The following COL9A3 variants were observed in gnomAD, a reference collection of about 807,000 sequenced individuals.
COL9A3 encodes collagen type IX alpha 3 chain.
In COL9A3, 82 loss-of-function variants were observed where a neutral mutation model predicts 110.2. The ratio of observed to expected loss-of-function variants is 0.74; its 90% CI spans 0.62 to 0.89. The LOEUF (loss-of-function observed/expected upper bound fraction) is 0.89, where lower values mean the gene tolerates loss of function less well. COL9A3 is among the 40% of genes least tolerant of loss of function. COL9A3 has a pLI of 0.00. For missense variants in COL9A3, 1,066 were observed against 981.3 expected, an observed-to-expected ratio of 1.09 and a Z score of -1.15; for synonymous variants, 494 against 403.8, an observed-to-expected ratio of 1.22 and a Z score of -2.68.
At chr20:62,834,341 C>T (rs1026791290) in intron 26 of COL9A3, among the ~76,000 whole-genome samples, 1 of 152,216 alleles carries the variant, frequency 6.6e-6, no homozygotes, top group African/African-American at 2.4e-5. Context: ...GAAAACTCCA[C>T]TTCCACAGGC....
In COL9A3 at chr20:62,829,759, C is replaced by T. The variant is rs1486893861; in HGVS notation, c.1108-7C>T. The T allele has an allele frequency of 2.5e-6, 4 of 1,591,186 alleles. No homozygotes were observed. The African/African-American group carries it at 4.0e-5, about 16-fold the overall frequency. Reference sequence around the variant, plus strand: ...CTGCCCTGACACCCTCCTTCCTTTCCCTGTAGGGAGATGCTGGCATGCCTG... The same window carrying T: ...CTGCCCTGACACCCTCCTTCCTTTCTCTGTAGGGAGATGCTGGCATGCCTG... On this transcript the variant is annotated splice_polypyrimidine_tract_variant and splice_region_variant and intron_variant, in intron 21 of 31. Coordinates refer to ENST00000649368, the MANE Select transcript of COL9A3 (RefSeq NM_001853.4).
At chr20:62,827,817 C>A (rs977320315) in intron 16 of COL9A3, 106 bp from the exon 17 acceptor site, 4 of 1,255,896 alleles carry the variant, frequency 3.2e-6, no homozygotes. Flanking sequence ...TGGCCCCTGC[C>A]GCTGCCCACC....
rs2063515914 is a variant in COL9A3, at chr20:62,821,868, A to G, written c.423+58A>G. 5.2e-6 allele frequency: 5 copies of G among 966,936 alleles called. No individual in the cohort carries two copies. In the Admixed American group the frequency reaches 7.3e-5, roughly 14 times the overall value. The allele number at this position is 966,936 out of a possible 1,614,324, so 59.9% of individuals were successfully genotyped here. ...GCTCACCTGTGGCCTCCACCCCCAG[A>G]CTCAACAGCCAGGGGCTCCCTTCCC... is the stretch of plus-strand genomic sequence containing the variant. On this transcript the variant is annotated intron_variant, in intron 8 of 31. Transcript: ENST00000649368.
Position 62,837,089 on chromosome 20 carries a change from T to C in COL9A3, c.1610T>C (p.Ile537Thr), listed in dbSNP as rs767987915. ...ELCGGMISEQ[I>T]AQLAAHLRKP... ...CACCCTTGTTTTCCCAAAGAACAAATTGCACAGTTAGCCGCGCACCTAAGG... is the reference window on the plus strand; with the variant it reads ...CACCCTTGTTTTCCCAAAGAACAAACTGCACAGTTAGCCGCGCACCTAAGG... The change falls in exon 30 of 32, where the codon ATT becomes ACT. Residue 537 changes from isoleucine to threonine, a missense_variant. Coordinates refer to ENST00000649368, the MANE Select transcript of COL9A3 (RefSeq NM_001853.4). The C allele has an allele frequency of 2.5e-6, 4 of 1,613,288 alleles. No individual in the cohort carries two copies. The highest frequency in any genetic ancestry group is 1.1e-5 in the South Asian group (1 of 91,082).
In COL9A3 at chr20:62,832,970, C is replaced by G. The variant is rs2294993; in HGVS notation, c.1324-50C>G. ...AGCAGGGACTTTAAGGCATGAAGTC[C>G]CTACTCATGCATGAACAGCTCTTTT... On this transcript the variant is annotated intron_variant, in intron 25 of 31. Transcript: ENST00000649368. 1.2e-3 allele frequency: 1,788 copies of G among 1,531,524 alleles called. 42 individuals carry two copies. In the East Asian group the frequency reaches 0.037, roughly 31 times the overall value. The allele number at this position is 1,531,524 out of a possible 1,614,324, so 94.9% of individuals were successfully genotyped here.
intron 20 of COL9A3, 39 bp downstream of exon 20, chr20:62,829,538 C>T (rs748478589): frequency 8.3e-6 from 13 of 1,567,436 alleles, no homozygotes; most frequent in South Asian, 5.6e-5. Context: ...GGAGGGGAGG[C>T]GAGGGGCCGG....
intron 8 of COL9A3, 36 bp downstream of exon 8, chr20:62,821,846 C>G: frequency 7.3e-7 from 1 of 1,364,872 alleles, no homozygotes; most frequent in Non-Finnish European, 1.0e-6. Flanking sequence ...AGAGTGTGCT[C>G]ACCTGTGGCC....
At chr20:62,821,904 T>G (rs1008809048) in intron 8 of COL9A3, 94 bp downstream of exon 8, 3 of 804,758 alleles carry the variant, frequency 3.7e-6, no homozygotes, top group Non-Finnish European at 6.5e-6. Context: ...CTCTCCCTTT[T>G]CCCTTTCTCC....
chr20:62,833,193 A>G, intron 26 of COL9A3, 129 bp downstream of exon 26: 1 of 798,738 alleles, frequency 1.3e-6, no homozygotes. Flanking sequence ...TCTGCTGGGC[A>G]GCGTGGGGAT....
At chr20:62,833,435 ACT>A (rs1247869557) in intron 26 of COL9A3, among the ~76,000 whole-genome samples, 2 of 151,798 alleles carry the variant, frequency 1.3e-5, no homozygotes, top group Non-Finnish European at 2.9e-5. Flanking sequence ...GACGAGTCTC[ACT>A]CTGTCACCCA....
chr20:62,817,004 TCCCGCCCCGCCCGCCCGCGCGCCG>T (rs1258555147), upstream of COL9A3: 10 of 1,016,890 alleles, frequency 9.8e-6, no homozygotes, highest in African/African-American at 1.4e-4. Context: ...GCCGCCCACC[TCCCGCCCCGCCCGCCCGCGCGCCG>T]CCCGCCCCGA....
At chr20:62,829,573 G>A (rs767646551) in intron 20 of COL9A3, 55 bp from the exon 21 acceptor site, 65 of 1,609,794 alleles carry the variant, frequency 4.0e-5, no homozygotes, top group Middle Eastern at 1.7e-4. Context: ...GGGGGCCAGC[G>A]ACCTGGCCCC....
In COL9A3 at chr20:62,835,779, G is replaced by A. The variant is rs144475826; in HGVS notation, c.1369-142G>A. ...AGAAATATAAAAAATGTATATAGAAGAACGGAAGGAACCACTGTCAATATT... is the reference window on the plus strand; with the variant it reads ...AGAAATATAAAAAATGTATATAGAAAAACGGAAGGAACCACTGTCAATATT... On this transcript the variant is annotated intron_variant, in intron 26 of 31. Coordinates refer to ENST00000649368, the MANE Select transcript of COL9A3 (RefSeq NM_001853.4). 1.0e-3 allele frequency: 871 copies of A among 842,040 alleles called. 3 individuals are homozygous for A. The African/African-American group carries it at 0.013, about 12-fold the overall frequency. 52.2% of individuals were successfully genotyped at this position (842,040 alleles called of 1,614,324 possible).
At chr20:62,823,231 A>T (rs114463443) in intron 10 of COL9A3, among the ~76,000 whole-genome samples, 8,777 of 152,214 alleles carry the variant, frequency 0.058, 578 homozygotes, top group African/African-American at 0.16. Context: ...AGCTACTTGG[A>T]TGGCTGTGGT....
rs367582511 is a variant in COL9A3 at position 62,830,569 on chromosome 20, G to A, written c.1268G>A (p.Arg423Gln). The change falls in exon 24 of 32, where the codon CGA (arginine) becomes CAA (glutamine). Residue 423 changes from arginine (R) to glutamine (Q), a missense_variant. Coordinates refer to ENST00000649368, the MANE Select transcript of COL9A3 (RefSeq NM_001853.4). ...GGCCTTCCAGGCCCCCAGGGCCTCC[G>A]AGGTGACGTGGGCGACCGGGTAAGT... is the stretch of plus-strand genomic sequence containing the variant. ...DPGLPGPQGLRGDVGDRGPGG... is the reference protein window; with the variant it reads ...DPGLPGPQGLQGDVGDRGPGG... 1.4e-5 allele frequency: 23 copies of A among 1,603,778 alleles called. No individual in the cohort carries two copies. Among genetic ancestry groups the A allele is most frequent in the Middle Eastern group, 1.7e-4 (1 of 5,948 alleles).
intron 30 of COL9A3, among the ~76,000 whole-genome samples, chr20:62,838,274 A>C: frequency 6.6e-6 from 1 of 152,100 alleles, no homozygotes; most frequent in Non-Finnish European, 1.5e-5. Flanking sequence ...GGCCTCCTGC[A>C]CCCCTGGGCC....
intron 1 of COL9A3, 190 bp from the exon 2 acceptor site, chr20:62,817,377 G>T: frequency 1.9e-6 from 1 of 534,928 alleles, no homozygotes. Flanking sequence ...GGGGGCCTTT[G>T]TTCCCGCCGC....
At chr20:62,831,614 C>G (rs2077526) in intron 24 of COL9A3, 1 of 172,246 alleles carries the variant, frequency 5.8e-6, no homozygotes, top group Non-Finnish European at 1.3e-5. Context: ...CTGGCACCCG[C>G]CCTGCGGGCA....
chr20:62,817,382 C>A, intron 1 of COL9A3, 185 bp from the exon 2 acceptor site: 1 of 537,394 alleles, frequency 1.9e-6, no homozygotes, highest in Non-Finnish European at 3.2e-6. Context: ...CCTTTGTTCC[C>A]GCCGCCGGAG....
Sources: gnomAD v4.1 joint callset for allele counts (sites outside exome capture counted in the v4.1 genomes callset) on GRCh38, gnomAD v4.1.1 for gene constraint, MANE v1.5 for transcripts, NCBI Gene and HGNC (gene_info 2026-07-23, HGNC 2026-07-21) for gene names.